The following ZMAT4 variants were observed in gnomAD, a reference collection of about 807,000 sequenced individuals.
The protein encoded by ZMAT4 is zinc finger matrin-type 4.
A neutral mutation model predicts 28.7 loss-of-function variants in ZMAT4; 17 were observed. That is an observed-to-expected ratio of 0.59 (90% CI 0.41 to 0.89). The LOEUF is 0.89. Among genes scored for constraint, ZMAT4 ranks in the 40% least tolerant of loss-of-function variants. ZMAT4 has a pLI of 0.00. For missense variants in ZMAT4, 240 were observed against 283.8 expected (o/e 0.85, Z 1.11); for synonymous variants, 117 against 109.2 (o/e 1.07, Z -0.44).
chr8:40,555,022 T>C (rs1803486871), intron 6 of ZMAT4, among the ~76,000 whole-genome samples: 1 of 152,154 alleles, frequency 6.6e-6, no homozygotes, highest in Non-Finnish European at 1.5e-5. Flanking sequence ...CTACTCTCTA[T>C]CTCCATGAGA....
intron 5 of ZMAT4, among the ~76,000 whole-genome samples, chr8:40,587,622 G>T (rs1219476152): frequency 6.6e-6 from 1 of 151,582 alleles, no homozygotes; most frequent in Admixed American, 6.6e-5. Context: ...AAGAAAGAAA[G>T]CTAAAAAATA....
At chr8:40,574,043 A>G (rs866453034) in intron 6 of ZMAT4, among the ~76,000 whole-genome samples, 10 of 152,332 alleles carry the variant, frequency 6.6e-5, no homozygotes, top group South Asian at 2.1e-4. Context: ...ATGTTTATTT[A>G]ATTGGTCAGA....
At chr8:40,896,623 G>C (rs1363692389) in intron 1 of ZMAT4, among the ~76,000 whole-genome samples, 1 of 152,160 alleles carries the variant, frequency 6.6e-6, no homozygotes, top group Non-Finnish European at 1.5e-5. Flanking sequence ...GAGGAGGCAG[G>C]GGGAGAAAGG....
chr8:40,532,315 CCT>C (rs1041332590), intron 6 of ZMAT4, 77 bp from the exon 7 acceptor site: 77 of 1,331,868 alleles, frequency 5.8e-5, no homozygotes, highest in Non-Finnish European at 7.6e-5. Context: ...CCCCCCACCC[CCT>C]GTCTCTCTTC....
chr8:40,553,649 A>T (rs1432282793), intron 6 of ZMAT4, among the ~76,000 whole-genome samples: 1 of 152,190 alleles, frequency 6.6e-6, no homozygotes, highest in Admixed American at 6.5e-5. Context: ...AGAAGTAGGA[A>T]AAATTACTAT....
rs567038377 is a variant in ZMAT4 at position 40,775,574 on chromosome 8, G to A, written c.103-7844C>T. 2.0e-5 allele frequency among the ~76,000 whole-genome samples: 3 copies of A among 152,326 alleles called. No individual in the cohort carries two copies. In the South Asian group the frequency reaches 6.2e-4, roughly 32 times the overall value. On this transcript the variant is annotated intron_variant, in intron 2 of 6. Transcript: ENST00000297737. ...ACAGCTCAAACAGAGGCAGTGTGTT[G>A]AGGAAGAGAGGTTTGGGACAAGGCA...
intron 2 of ZMAT4, among the ~76,000 whole-genome samples, chr8:40,786,456 C>CATTCATTCATTT (rs1285043302): frequency 6.6e-6 from 1 of 152,062 alleles, no homozygotes; most frequent in African/African-American, 2.4e-5. Flanking sequence ...GACATTCATT[C>CATTCATTCATTT]ATTCATTCAT....
intron 5 of ZMAT4, among the ~76,000 whole-genome samples, chr8:40,589,548 T>C (rs1804782044): frequency 6.6e-6 from 1 of 152,160 alleles, no homozygotes; most frequent in Non-Finnish European, 1.5e-5. Flanking sequence ...GAAATCTATA[T>C]ATTTTTAAAG....
chr8:40,610,979 T>G (rs985303810), intron 5 of ZMAT4, among the ~76,000 whole-genome samples: 4 of 150,942 alleles, frequency 2.7e-5, no homozygotes, highest in African/African-American at 9.7e-5. Context: ...ACTACATAAC[T>G]AATACACAAT....
intron 3 of ZMAT4, among the ~76,000 whole-genome samples, chr8:40,762,340 G>A (rs1812977276): frequency 6.6e-6 from 1 of 152,166 alleles, no homozygotes; most frequent in Non-Finnish European, 1.5e-5. Context: ...ATAAGAAGGA[G>A]AGAGAACACA....
At chr8:40,871,129 C>G (rs1371763878) in intron 1 of ZMAT4, among the ~76,000 whole-genome samples, 2 of 152,192 alleles carry the variant, frequency 1.3e-5, no homozygotes, top group Non-Finnish European at 2.9e-5. Context: ...CCCACTCATT[C>G]AGGTAAAGAC....
At chr8:40,779,659 G>A (rs1408029867) in intron 2 of ZMAT4, among the ~76,000 whole-genome samples, 4 of 152,096 alleles carry the variant, frequency 2.6e-5, no homozygotes, top group Non-Finnish European at 5.9e-5. Context: ...ATAGAGTTTG[G>A]GGCATTAGAT....
chr8:40,648,087 G>T (rs974505315), intron 5 of ZMAT4, among the ~76,000 whole-genome samples: 2 of 152,228 alleles, frequency 1.3e-5, no homozygotes, highest in African/African-American at 4.8e-5. Context: ...TGACTTTGAC[G>T]AGCTGAGAGA....
At chr8:40,875,531 T>C (rs1818012953) in intron 1 of ZMAT4, among the ~76,000 whole-genome samples, 1 of 152,154 alleles carries the variant, frequency 6.6e-6, no homozygotes, top group African/African-American at 2.4e-5. Context: ...AAAATACCAG[T>C]TATTGCCTAC....
At chr8:40,869,128 G>C (rs1380447325) in intron 1 of ZMAT4, among the ~76,000 whole-genome samples, 1 of 152,034 alleles carries the variant, frequency 6.6e-6, no homozygotes, top group Admixed American at 6.6e-5. Flanking sequence ...ACTTATGTTT[G>C]TATTACTCCC....
intron 1 of ZMAT4, among the ~76,000 whole-genome samples, chr8:40,849,823 G>C (rs1437054653): frequency 1.3e-5 from 2 of 152,168 alleles, no homozygotes; most frequent in Non-Finnish European, 2.9e-5. Flanking sequence ...AGCAGTTTAT[G>C]TGCCTGGATA....
chr8:40,631,382 T>C (rs1806575638), intron 5 of ZMAT4, among the ~76,000 whole-genome samples: 1 of 152,176 alleles, frequency 6.6e-6, no homozygotes. Context: ...GGTCTCAAAC[T>C]CCTGACCTCA....
At chr8:40,656,965 A>G (rs1420676930) in intron 5 of ZMAT4, among the ~76,000 whole-genome samples, 1 of 152,194 alleles carries the variant, frequency 6.6e-6, no homozygotes, top group East Asian at 1.9e-4. Flanking sequence ...ACTAAAAACC[A>G]GTGAAATGTA....
At chr8:40,543,133 C>A (rs1803096219) in intron 6 of ZMAT4, among the ~76,000 whole-genome samples, 1 of 152,076 alleles carries the variant, frequency 6.6e-6, no homozygotes. Context: ...TACGTGCCAT[C>A]CAGCACCCAG....
Sources: allele counts gnomAD v4.1 joint callset (sites outside exome capture counted in the v4.1 genomes callset), GRCh38; gene constraint gnomAD v4.1.1; transcripts MANE v1.5; gene names NCBI Gene and HGNC (gene_info 2026-07-23, HGNC 2026-07-21).